Variants in PRSS48 observed in about 807,000 individuals in gnomAD.
PRSS48 encodes the protein epidermis-specific serine protease-like protein.
In PRSS48, 21 loss-of-function variants were observed where a neutral mutation model predicts 25.6. The ratio of observed to expected loss-of-function variants is 0.82; its 90% CI spans 0.58 to 1.18. PRSS48 has a LOEUF of 1.18. Ranked by LOEUF, PRSS48 falls within the 50% of genes most tolerant of loss-of-function variation. The probability of loss-of-function intolerance (pLI) is 0.00; values close to 1 mark genes in which losing one functional copy is unlikely to be tolerated. For missense variants in PRSS48, 373 were observed against 399.3 expected (o/e 0.93, Z 0.56); for synonymous variants, 150 against 149.3 (o/e 1.00, Z -0.04).
chr4:151,278,964 A>C, intron 1 of PRSS48: 2 of 228,696 alleles, frequency 8.7e-6, no homozygotes, highest in Non-Finnish European at 1.8e-5. Context: ...CTATTGGTTC[A>C]TTTATGTAGT....
At chr4:151,283,223 G>A in exon 4 of PRSS48, 1 of 1,613,818 alleles carries the variant, frequency 6.2e-7, no homozygotes, top group Non-Finnish European at 8.5e-7. Context: ...CAGCACTGGA[G>A]CCAGTCATCA....
In PRSS48 at chr4:151,283,367, T is replaced by C. The variant is rs968838003; in HGVS notation, c.651+81T>C. 4.6e-6 allele frequency: 6 copies of C among 1,317,064 alleles called. No individual in the cohort carries two copies. In the African/African-American group the frequency reaches 8.7e-5, roughly 19 times the overall value. 81.6% of individuals were successfully genotyped at this position (1,317,064 alleles called of 1,614,324 possible). A position where few individuals can be genotyped will look rare whatever the true frequency, so the allele number is the denominator to read the frequency against. On this transcript the variant is annotated intron_variant, in intron 4 of 4. Transcript: ENST00000455694. ...AGGTTTTCCTATCTGTAAATAACAG[T>C]GGATTGGGAGTCAGGAGATGAGGGT...
chr4:151,291,188 G>A (rs368365096), exon 5 of PRSS48: 1 of 1,613,948 alleles, frequency 6.2e-7, no homozygotes. Context: ...GTAAGCTGGG[G>A]ATTAGAATGT....
intron 4 of PRSS48, among the ~76,000 whole-genome samples, chr4:151,288,176 G>A (rs1000215090): frequency 6.6e-6 from 1 of 152,010 alleles, no homozygotes; most frequent in Non-Finnish European, 1.5e-5. Context: ...AAAATACTTC[G>A]TGGTAAAATA....
At chr4:151,278,806 T>C (rs1235205223) in intron 1 of PRSS48, among the ~76,000 whole-genome samples, 1 of 152,194 alleles carries the variant, frequency 6.6e-6, no homozygotes, top group Non-Finnish European at 1.5e-5. Flanking sequence ...AATTTCTTTA[T>C]ATTTTTTGTA....
intron 4 of PRSS48, among the ~76,000 whole-genome samples, chr4:151,286,963 G>A (rs1037780240): frequency 6.8e-6 from 1 of 147,302 alleles, no homozygotes; most frequent in Non-Finnish European, 1.5e-5. Flanking sequence ...CTGGGTGACA[G>A]AGTGAGATTC....
intron 2 of PRSS48, among the ~76,000 whole-genome samples, chr4:151,280,768 C>G (rs112824453): frequency 6.6e-6 from 1 of 150,820 alleles, no homozygotes; most frequent in African/African-American, 2.4e-5. Context: ...CCAGCCTGGG[C>G]GACAGAGTGA....
intron 2 of PRSS48, among the ~76,000 whole-genome samples, chr4:151,280,511 CTA>C (rs955565320): frequency 7.2e-5 from 11 of 152,212 alleles, no homozygotes; most frequent in African/African-American, 2.7e-4. Context: ...CCCATAAAAA[CTA>C]TGAGATAAAT....
intron 1 of PRSS48, 57 bp from the exon 2 acceptor site, chr4:151,279,739 G>A: frequency 4.6e-6 from 7 of 1,519,776 alleles, no homozygotes; most frequent in Non-Finnish European, 5.5e-6. Flanking sequence ...GATAAGGTGG[G>A]GACCAGAGAA....
intron 1 of PRSS48, 33 bp downstream of exon 1, chr4:151,277,257 G>T: frequency 6.8e-7 from 1 of 1,460,168 alleles, no homozygotes; most frequent in South Asian, 1.5e-5. Context: ...GAAGGCAGAG[G>T]CAGAGGATTT....
At chr4:151,288,884 C>T (rs998724359) in intron 4 of PRSS48, among the ~76,000 whole-genome samples, 10 of 152,082 alleles carry the variant, frequency 6.6e-5, no homozygotes, top group African/African-American at 2.2e-4. Flanking sequence ...GGTTTCTTTG[C>T]AGAAATTGGC....
At chr4:151,288,552 G>C (rs1332377589) in intron 4 of PRSS48, among the ~76,000 whole-genome samples, 2 of 152,024 alleles carry the variant, frequency 1.3e-5, no homozygotes, top group Non-Finnish European at 2.9e-5. Context: ...TTCGAGACCA[G>C]CCTGACCAAC....
intron 4 of PRSS48, among the ~76,000 whole-genome samples, chr4:151,286,196 A>C (rs1176782884): frequency 6.7e-6 from 1 of 150,052 alleles, no homozygotes; most frequent in South Asian, 2.1e-4. Flanking sequence ...AAAAAAAAAA[A>C]AAAAAAAACA....
At chr4:151,285,253 C>T (rs550333180) in intron 4 of PRSS48, among the ~76,000 whole-genome samples, 1 of 152,202 alleles carries the variant, frequency 6.6e-6, no homozygotes, top group South Asian at 2.1e-4. Flanking sequence ...ACAAGTCACT[C>T]CCATAAGAAA....
chr4:151,283,682 C>G (rs1774470320), intron 4 of PRSS48, among the ~76,000 whole-genome samples: 1 of 151,764 alleles, frequency 6.6e-6, no homozygotes, highest in Non-Finnish European at 1.5e-5. Context: ...CTCACCAGGC[C>G]CACATACTTT....
chr4:151,283,441 CTG>C (rs910998783), intron 4 of PRSS48, among the ~76,000 whole-genome samples, 155 bp downstream of exon 4: 17 of 151,162 alleles, frequency 1.1e-4, no homozygotes, highest in African/African-American at 3.9e-4. Flanking sequence ...TAACTTCTAT[CTG>C]TGAAATCAGT....
At chr4:151,279,911 C>T (rs772827740) in exon 2 of PRSS48, 3 of 1,613,702 alleles carry the variant, frequency 1.9e-6, no homozygotes, top group Non-Finnish European at 2.5e-6. Flanking sequence ...GTGGAGGTTC[C>T]CTCGTCAGTG....
At chr4:151,283,735 G>A (rs1774476369) in intron 4 of PRSS48, among the ~76,000 whole-genome samples, 1 of 151,934 alleles carries the variant, frequency 6.6e-6, no homozygotes, top group African/African-American at 2.4e-5. Flanking sequence ...TGTTGCCCAG[G>A]CTGATCCCAA....
In PRSS48 at chr4:151,282,240, T is replaced by C; in HGVS notation, c.308T>C (p.Val103Ala). Residue 103 changes from valine (V) to alanine (A), a missense_variant, in exon 3 of 5, where the codon GTC becomes GCC. Physicochemically the swap from Val to Ala is moderately conservative, Grantham distance 64 (BLOSUM62 0). Coordinates refer to ENST00000455694, the Ensembl canonical transcript of PRSS48. ...GTGAAGTACTACGTGTCCAAAATCG[T>C]CATCCATCCCAAGTACCAAGATACA... 3 of 1,613,944 alleles carry C rather than the reference T, an allele frequency of 1.9e-6. No homozygotes were observed. The South Asian group carries it at 3.3e-5, about 18-fold the overall frequency.
Sources: gnomAD v4.1 joint callset for allele counts (sites outside exome capture counted in the v4.1 genomes callset) on GRCh38, gnomAD v4.1.1 for gene constraint, MANE v1.5 for transcripts, NCBI Gene and HGNC (gene_info 2026-07-23, HGNC 2026-07-21) for gene names.